Variants in RASAL1 observed in about 807,000 individuals in gnomAD.
The protein encoded by RASAL1 is RAS protein activator like 1, also known as rasGAP-activating-like protein 1.
In RASAL1, 72 loss-of-function variants were observed where a neutral mutation model predicts 96.6. The observed-to-expected ratio is 0.75, with a 90% CI of 0.62 to 0.91. RASAL1 has a LOEUF of 0.91. Ranked by LOEUF, RASAL1 falls within the 40% of genes least tolerant of loss-of-function variation. The pLI is 0.00. For synonymous variants in RASAL1, 405 were observed against 430.4 expected, an observed-to-expected ratio of 0.94 and a Z score of 0.73; for missense variants, 1,016 against 1,072.5, an observed-to-expected ratio of 0.95 and a Z score of 0.74.
intron 14 of RASAL1, chr12:113,107,451 C>T: frequency 1.5e-6 from 1 of 659,206 alleles, no homozygotes; most frequent in Non-Finnish European, 2.7e-6. Context: ...GGTGATACCT[C>T]ATCTCTACTA....
Position 113,120,517 on chromosome 12 carries a change from A to G in RASAL1, c.428+992T>C, listed in dbSNP as rs568392954. On this transcript the variant is annotated intron_variant, in intron 5 of 20. Transcript: ENST00000548055. ...CTTTATGGTCACACAGCAAGCTGGA[A>G]ATTGGAGGTCCTCCCCAATCTGGGC... is the stretch of plus-strand genomic sequence containing the variant. Among the ~76,000 whole-genome samples the G allele has an allele frequency of 1.4e-3, 206 of 152,288 alleles. 1 individual carries two copies. Among genetic ancestry groups the G allele is most frequent in the Middle Eastern group, 6.8e-3 (2 of 294 alleles).
chr12:113,114,697 A>T, intron 12 of RASAL1, 103 bp downstream of exon 12: 1 of 923,802 alleles, frequency 1.1e-6, no homozygotes, highest in Non-Finnish European at 1.8e-6. Context: ...GAGCAGCTGT[A>T]GCCCCAGGGT....
chr12:113,105,900 G>A lies in RASAL1; in HGVS notation c.1658-14C>T, dbSNP rs1219552876. 2.5e-6 allele frequency: 4 copies of A among 1,608,692 alleles called. No homozygotes were observed. In the South Asian group the frequency reaches 3.3e-5, roughly 13 times the overall value. Reference sequence around the variant, plus strand: ...GGACACCAGCTTCTAGGAGATGGGAGAAGAGAGCGGTGGACAGTGAGCCCT... The same window carrying A: ...GGACACCAGCTTCTAGGAGATGGGAAAAGAGAGCGGTGGACAGTGAGCCCT... On this transcript the variant is annotated splice_polypyrimidine_tract_variant and intron_variant, in intron 15 of 20. Transcript: ENST00000548055.
In RASAL1 at chr12:113,129,722, GCACA is replaced by G. The variant is rs143449206; in HGVS notation, c.122+1159_122+1162del. On this transcript the variant is annotated intron_variant, in intron 2 of 20. Coordinates refer to ENST00000548055, the MANE Select transcript of RASAL1 (RefSeq NM_001301202.2). The surrounding 1 kb of genome is among the most constrained non-coding windows in gnomAD (Gnocchi z 5.0). ...AGAGTGCACATATGCGCGCGTGCGC[GCACA>G]CACACACACACACCCCGCCTTCTTC... Among the ~76,000 whole-genome samples, 5 of 151,204 alleles carry G rather than the reference GCACA, an allele frequency of 3.3e-5. No individual in the cohort carries two copies. The highest frequency in any genetic ancestry group is 3.9e-4 in the East Asian group (2 of 5,148).
At chr12:113,112,619 T>TC (rs1249672523) in intron 12 of RASAL1, among the ~76,000 whole-genome samples, 1 of 152,052 alleles carries the variant, frequency 6.6e-6, no homozygotes, top group Non-Finnish European at 1.5e-5. Context: ...TGCAGGCCTC[T>TC]CCCCTCCCTC....
chr12:113,128,393 C>T (rs1468836085), intron 2 of RASAL1, among the ~76,000 whole-genome samples: 3 of 151,606 alleles, frequency 2.0e-5, no homozygotes. Flanking sequence ...TATGTACTCA[C>T]CCAGGGACAC....
chr12:113,128,480 C>A (rs567960158), intron 2 of RASAL1, among the ~76,000 whole-genome samples: 1 of 150,088 alleles, frequency 6.7e-6, no homozygotes, highest in South Asian at 2.1e-4. Flanking sequence ...AGACATACAC[C>A]AGAGATCTCA....
chr12:113,120,865 A>G (rs1234361428), intron 5 of RASAL1, among the ~76,000 whole-genome samples: 1 of 152,170 alleles, frequency 6.6e-6, no homozygotes, highest in Non-Finnish European at 1.5e-5. Context: ...CGCTCCAGTA[A>G]TGGGCTTGTG....
rs756971879 is a variant in RASAL1, at chr12:113,128,069, C to T, written c.232G>A (p.Val78Ile). The T allele has an allele frequency of 2.5e-6, 4 of 1,613,816 alleles. No individual in the cohort carries two copies. Among genetic ancestry groups the T allele is most frequent in the East Asian group, 4.5e-5 (2 of 44,886 alleles). Residue 78 changes from valine to isoleucine, a missense_variant, in exon 3 of 21, where the codon GTC becomes ATC. Transcript: ENST00000548055. ...LAFYVLDEDT[V>I]GHDDIIGKIS... ...CCACTTTCCCCAACCACAAACCCGA[C>T]AGTGTCCTCATCCAGCACGTAGAAG...
Position 113,099,809 on chromosome 12 carries a change from G to A in RASAL1, c.*120C>T. 7.1e-7 allele frequency: 1 copy of A among 1,411,196 alleles called. No homozygotes were observed. Among genetic ancestry groups the A allele is most frequent in the South Asian group, 1.4e-5 (1 of 69,476 alleles). The allele number at this position is 1,411,196 out of a possible 1,614,324, so 87.4% of individuals were successfully genotyped here. A position where few individuals can be genotyped will look rare whatever the true frequency, so the allele number is the denominator to read the frequency against. On this transcript the variant is annotated 3_prime_UTR_variant, in exon 21 of 21. Transcript: ENST00000548055. ...GGCACACAGGACTAGGCACGTCTCT[G>A]GGAGCCTCCAAACCACAGAATCAAA...
chr12:113,106,650 C>CCT (rs536538189), intron 15 of RASAL1, among the ~76,000 whole-genome samples: 1 of 150,000 alleles, frequency 6.7e-6, no homozygotes, highest in Non-Finnish European at 1.5e-5. Context: ...TTCTTTCCTC[C>CCT]TTTTTTTTTT....
rs750845018 is a variant in RASAL1 at position 113,129,123 on chromosome 12, A to AC, written c.123-946dup. Among the ~76,000 whole-genome samples, 2 of 151,596 alleles carry AC rather than the reference A, an allele frequency of 1.3e-5. No individual in the cohort carries two copies. The highest frequency in any genetic ancestry group is 2.9e-5 in the Non-Finnish European group (2 of 67,926). The stretch of plus-strand genomic sequence containing the variant: ...GGTGTCAGGGCTGCTTACCCCACAG[A>AC]CCCCCCTTCCACAAGCAGGCGCTCT... On this transcript the variant is annotated intron_variant, in intron 2 of 20. Transcript: ENST00000548055. The surrounding 1 kb of genome is among the most constrained non-coding windows in gnomAD (Gnocchi z 5.0).
chr12:113,103,686 G>T (rs1019976622), intron 18 of RASAL1: 10 of 558,452 alleles, frequency 1.8e-5, no homozygotes, highest in Non-Finnish European at 3.2e-5. Flanking sequence ...CTGGATGCTG[G>T]CACCTAGTGA....
chr12:113,100,302 CT>C (rs887587728), intron 20 of RASAL1, among the ~76,000 whole-genome samples: 2 of 152,040 alleles, frequency 1.3e-5, no homozygotes, highest in African/African-American at 4.8e-5. Context: ...CCCTTAGCTT[CT>C]TTTTTTGGGG....
rs1178010805 is a variant in RASAL1, at chr12:113,104,060, A to G, written c.1990T>C (p.Trp664Arg). The G allele has an allele frequency of 6.6e-7, 1 of 1,521,896 alleles. No homozygotes were observed. The highest frequency in any genetic ancestry group is 2.5e-5 in the East Asian group (1 of 39,900). 94.3% of individuals were successfully genotyped at this position (1,521,896 alleles called of 1,614,324 possible). Residue 664 changes from tryptophan to arginine, a missense_variant, in exon 18 of 21, where the codon TGG (tryptophan) becomes CGG (arginine). Trp to Arg is a moderately radical substitution (Grantham distance 101). Transcript: ENST00000548055. ...CTGGCCTTGCGCAAGGCCGAGAGCC[A>G]CTGGTTGAGCTCATTCACATTCTGC... ...QCKNVNELNQ[W>R]LSALRKASAP...
rs145802134 is a variant in RASAL1 at position 113,113,048 on chromosome 12, G to A, written c.1182-770C>T. On this transcript the variant is annotated intron_variant, in intron 12 of 20. Coordinates refer to ENST00000548055, the MANE Select transcript of RASAL1 (RefSeq NM_001301202.2). ...GACTTGGGACTATTTGTTCCCTACT[G>A]TATCGTCAGTGTTCAGCCCAGAGCC... Among the ~76,000 whole-genome samples, 460 of 152,314 alleles carry A rather than the reference G, an allele frequency of 3.0e-3. 2 individuals carry two copies. Among genetic ancestry groups the A allele is most frequent in the African/African-American group, 0.01 (432 of 41,570 alleles).
chr12:113,126,961 T>A (rs1253654515), intron 4 of RASAL1, among the ~76,000 whole-genome samples: 1 of 148,110 alleles, frequency 6.8e-6, no homozygotes, highest in Non-Finnish European at 1.5e-5. Context: ...TTATTATATA[T>A]AAATATGTTA....
chr12:113,107,980 G>T (rs191658361), intron 14 of RASAL1, 105 bp downstream of exon 14: 1 of 1,333,692 alleles, frequency 7.5e-7, no homozygotes, highest in Non-Finnish European at 1.0e-6. Context: ...GGGTTTCTTC[G>T]GATGTTCTTT....
intron 13 of RASAL1, among the ~76,000 whole-genome samples, chr12:113,108,887 T>C (rs1217778584): frequency 6.7e-6 from 1 of 148,524 alleles, no homozygotes; most frequent in East Asian, 2.0e-4. Context: ...CAGGCTGGAG[T>C]GCAGTGGCAC....
Sources: gnomAD v4.1 joint callset for allele counts (sites outside exome capture counted in the v4.1 genomes callset) on GRCh38, gnomAD v4.1.1 for gene constraint, Gnocchi (gnomAD v3.1) non-coding constraint, MANE v1.5 for transcripts, NCBI Gene and HGNC (gene_info 2026-07-23, HGNC 2026-07-21) for gene names.